TMSB15B: variants seen among roughly 807,000 people sequenced by gnomAD.
The protein encoded by TMSB15B is thymosin beta-15B.
At chrX:103,952,299 A>C (rs782532039) in intron 1 of TMSB15B, among the ~76,000 whole-genome samples, 44 of 111,807 alleles carry the variant, frequency 3.9e-4, no homozygotes, top group Non-Finnish European at 7.5e-4. Context: ...TGAGGGGAGA[A>C]TATTTCTGAC....
intron 1 of TMSB15B, among the ~76,000 whole-genome samples, chrX:103,953,740 G>A (rs1475663525): frequency 8.9e-6 from 1 of 111,983 alleles, no homozygotes; most frequent in Non-Finnish European, 1.9e-5. Flanking sequence ...CCTCCCAACC[G>A]GGGCCTCCAG....
intron 1 of TMSB15B, among the ~76,000 whole-genome samples, chrX:103,941,605 A>T (rs782615765): frequency 9.0e-6 from 1 of 111,428 alleles, no homozygotes; most frequent in East Asian, 2.8e-4. Flanking sequence ...TGCTACCATG[A>T]TTTTTCTTGG....
intron 1 of TMSB15B, among the ~76,000 whole-genome samples, chrX:103,938,354 CAT>C (rs1415218805): frequency 2.7e-5 from 3 of 112,016 alleles, no homozygotes; most frequent in Non-Finnish European, 5.6e-5. Context: ...GTATTCGTTG[CAT>C]ATATATTTAA....
At chrX:103,923,687 C>A (rs1160769689) in intron 1 of TMSB15B, among the ~76,000 whole-genome samples, 1 of 111,584 alleles carries the variant, frequency 9.0e-6, no homozygotes, top group Non-Finnish European at 1.9e-5. Context: ...GCAATGCGGG[C>A]TCTTTTTTGG....
At chrX:103,932,467 T>G (rs1359392368) in intron 1 of TMSB15B, 1 of 112,337 alleles carries the variant, frequency 8.9e-6, no homozygotes, top group Non-Finnish European at 1.9e-5. Context: ...TTGTGTGTTT[T>G]CCCCTCAGAG....
chrX:103,953,967 C>T (rs782523268), intron 1 of TMSB15B, among the ~76,000 whole-genome samples: 7 of 111,627 alleles, frequency 6.3e-5, no homozygotes, highest in East Asian at 2.9e-4. Context: ...CTGAGGGGTC[C>T]GACACACCCT....
chrX:103,944,137 T>C (rs1203078230), intron 1 of TMSB15B, among the ~76,000 whole-genome samples: 2 of 112,136 alleles, frequency 1.8e-5, no homozygotes, highest in Non-Finnish European at 3.8e-5. Context: ...TAGGGTGTTA[T>C]TCATCTTTGT....
chrX:103,954,444 A>G (rs782242318), intron 1 of TMSB15B, among the ~76,000 whole-genome samples: 4 of 111,076 alleles, frequency 3.6e-5, no homozygotes, highest in Middle Eastern at 9.3e-3. Flanking sequence ...AGTGAGGCGG[A>G]TCCTATGGCC....
chrX:103,955,855 T>G (rs1556329058), intron 1 of TMSB15B, among the ~76,000 whole-genome samples: 2 of 111,234 alleles, frequency 1.8e-5, no homozygotes, highest in East Asian at 5.6e-4. Context: ...AGCTTCTCTA[T>G]AGTCAAAATG....
intron 1 of TMSB15B, chrX:103,928,530 T>C: frequency 8.4e-7 from 1 of 1,195,472 alleles, no homozygotes; most frequent in South Asian, 1.8e-5. Context: ...TCCAGGATGG[T>C]TGCAAGCAAG....
intron 1 of TMSB15B, among the ~76,000 whole-genome samples, chrX:103,947,545 G>T (rs1347191870): frequency 2.7e-5 from 3 of 111,884 alleles, no homozygotes; most frequent in Non-Finnish European, 3.8e-5. Context: ...CTGCCTAACA[G>T]GATACCTTCT....
intron 1 of TMSB15B, among the ~76,000 whole-genome samples, chrX:103,946,394 G>T (rs1194993603): frequency 3.6e-5 from 4 of 112,021 alleles, no homozygotes; most frequent in Non-Finnish European, 7.5e-5. Flanking sequence ...TACCTTTTTG[G>T]CATACTCAGC....
intron 1 of TMSB15B, chrX:103,929,139 T>C (rs1414140599): frequency 6.2e-6 from 3 of 484,750 alleles, no homozygotes; most frequent in African/African-American, 4.8e-5. Flanking sequence ...TGTAAACTCA[T>C]TGCATGGGAG....
At chrX:103,944,496 G>A (rs2075020258) in intron 1 of TMSB15B, among the ~76,000 whole-genome samples, 1 of 112,228 alleles carries the variant, frequency 8.9e-6, no homozygotes, top group Non-Finnish European at 1.9e-5. Flanking sequence ...TTTAGAATAC[G>A]ACTGATGGAT....
chrX:103,945,753 T>G (rs1308731098), intron 1 of TMSB15B, among the ~76,000 whole-genome samples: 1 of 112,139 alleles, frequency 8.9e-6, no homozygotes, highest in Admixed American at 9.4e-5. Flanking sequence ...CAACATTCTA[T>G]CAAGGGAAAC....
intron 1 of TMSB15B, chrX:103,919,610 A>C (rs1292656426): frequency 1.8e-5 from 2 of 111,465 alleles, no homozygotes; most frequent in African/African-American, 6.5e-5. Context: ...TCCCAAGTCA[A>C]CATATCTGAC....
In TMSB15B at chrX:103,953,292, G is replaced by T. The variant is rs372837675; in HGVS notation, c.-720-8729G>T. 2.1e-4 allele frequency among the ~76,000 whole-genome samples: 23 copies of T among 111,932 alleles called. No homozygotes were observed. In the East Asian group the frequency reaches 6.2e-3, roughly 30 times the overall value. On this transcript the variant is annotated intron_variant, in intron 1 of 3. Transcript: ENST00000419165. ...TATGTGGAGTGCCGGCAGGAGAGCG[G>T]ACATGCATGGAGAACCAGGAACTTT...
At chrX:103,951,066 A>G (rs782261094) in intron 1 of TMSB15B, among the ~76,000 whole-genome samples, 1 of 112,087 alleles carries the variant, frequency 8.9e-6, no homozygotes, top group Non-Finnish European at 1.9e-5. Flanking sequence ...GCAGATGGCC[A>G]TCTTCTCCCT....
chrX:103,950,827 A>C (rs1488896639), intron 1 of TMSB15B, among the ~76,000 whole-genome samples: 1 of 110,738 alleles, frequency 9.0e-6, no homozygotes, highest in Non-Finnish European at 1.9e-5. Flanking sequence ...CAACATTGAT[A>C]ATGCTGGAGT....
Sources: allele counts gnomAD v4.1 joint callset (sites outside exome capture counted in the v4.1 genomes callset), GRCh38; gene constraint gnomAD v4.1.1; transcripts MANE v1.5; gene names NCBI Gene and HGNC (gene_info 2026-07-23, HGNC 2026-07-21).